Variants in TRPM3 observed in about 807,000 individuals in gnomAD.
TRPM3 encodes the protein transient receptor potential cation channel subfamily M member 3, also known as long transient receptor potential channel 3.
TRPM3 carries 77 observed loss-of-function variants against 181.2 expected under a neutral mutation model. That is an observed-to-expected ratio of 0.42 (90% confidence interval 0.35 to 0.51). TRPM3 has a LOEUF of 0.51. TRPM3 is among the 20% of genes least tolerant of loss of function. The pLI is 0.01. For missense variants in TRPM3, 1,759 were observed against 2,196.7 expected, an observed-to-expected ratio of 0.80 and a Z score of 3.98; for synonymous variants, 745 against 796.4, an observed-to-expected ratio of 0.94 and a Z score of 1.09.
intron 1 of TRPM3, among the ~76,000 whole-genome samples, chr9:71,331,102 T>C (rs985207328): frequency 5.9e-5 from 9 of 151,934 alleles, no homozygotes; most frequent in African/African-American, 2.2e-4. Context: ...ATAGTTGATC[T>C]TAAAGAATAT....
chr9:70,548,851 T>G (rs1384852773), intron 25 of TRPM3, among the ~76,000 whole-genome samples: 1 of 137,932 alleles, frequency 7.2e-6, no homozygotes, highest in East Asian at 2.4e-4. Context: ...TCTTGTGCTC[T>G]CTCTCTCTCT....
At chr9:70,914,419 T>A (rs1037843406) in intron 1 of TRPM3, among the ~76,000 whole-genome samples, 1 of 152,220 alleles carries the variant, frequency 6.6e-6, no homozygotes, top group Non-Finnish European at 1.5e-5. Flanking sequence ...AGGAAAACAC[T>A]AGAACACACC....
intron 6 of TRPM3, among the ~76,000 whole-genome samples, chr9:70,819,058 G>A (rs2092939336): frequency 6.6e-6 from 1 of 152,310 alleles, no homozygotes; most frequent in Middle Eastern, 3.4e-3. Flanking sequence ...TGACAAGTGA[G>A]GAGAGGGTTA....
At chr9:71,183,243 C>T (rs540460719) in intron 1 of TRPM3, among the ~76,000 whole-genome samples, 15 of 152,098 alleles carry the variant, frequency 9.9e-5, no homozygotes, top group Admixed American at 3.9e-4. Context: ...AAGGTCAAGG[C>T]CATGGCATTT....
Position 70,877,804 on chromosome 9 carries a change from AAC to A in TRPM3, c.178-13295_178-13294del, listed in dbSNP as rs5898169. On this transcript the variant is annotated intron_variant, in intron 1 of 25. Coordinates refer to ENST00000677713, the MANE Select transcript of TRPM3 (RefSeq NM_001366145.2). ...CCTAAGTGCAAAGAGAAAATCATAA[AAC>A]ACACACACACACACACACACACACT... 5.1e-4 allele frequency among the ~76,000 whole-genome samples: 75 copies of A among 146,192 alleles called. 3 individuals carry two copies. The highest frequency in any genetic ancestry group is 3.0e-3 in the Admixed American group (44 of 14,554).
chr9:71,040,256 G>A (rs539417212), intron 1 of TRPM3, among the ~76,000 whole-genome samples: 1 of 152,266 alleles, frequency 6.6e-6, no homozygotes, highest in South Asian at 2.1e-4. Flanking sequence ...TATAAAAATA[G>A]TTTATTGCAA....
chr9:71,367,713 T>C (rs1349413301), intron 1 of TRPM3, among the ~76,000 whole-genome samples: 5 of 152,162 alleles, frequency 3.3e-5, no homozygotes, highest in Non-Finnish European at 5.9e-5. Flanking sequence ...AAAAGTGCTC[T>C]GTAAACTAAA....
chr9:71,120,661 C>T (rs1043140983), intron 1 of TRPM3, among the ~76,000 whole-genome samples: 7 of 152,180 alleles, frequency 4.6e-5, no homozygotes, highest in Non-Finnish European at 7.4e-5. Flanking sequence ...TCTGAGGAGG[C>T]TCATTCTTTG....
At chr9:71,399,625 T>G (rs985129321) in intron 1 of TRPM3, among the ~76,000 whole-genome samples, 1 of 148,878 alleles carries the variant, frequency 6.7e-6, no homozygotes, top group African/African-American at 2.5e-5. Context: ...ACCTCCTGGG[T>G]TCACACCATT....
intron 1 of TRPM3, among the ~76,000 whole-genome samples, chr9:70,918,069 G>T (rs2096619441): frequency 1.3e-5 from 2 of 152,170 alleles, no homozygotes; most frequent in South Asian, 4.1e-4. Context: ...ACTATGTAAT[G>T]ATATCTAACC....
chr9:70,912,922 C>T (rs2096553101), intron 1 of TRPM3, among the ~76,000 whole-genome samples: 1 of 152,242 alleles, frequency 6.6e-6, no homozygotes, highest in African/African-American at 2.4e-5. Context: ...GACATTATCA[C>T]TATAATGATA....
chr9:70,667,516 C>A (rs115965151), intron 9 of TRPM3, among the ~76,000 whole-genome samples: 2,197 of 152,212 alleles, frequency 0.014, 57 homozygotes, highest in African/African-American at 0.05. Flanking sequence ...TCACTTTGTA[C>A]CTGGTTCCCC....
At chr9:70,753,854 G>C (rs1012498731) in intron 8 of TRPM3, among the ~76,000 whole-genome samples, 1 of 152,114 alleles carries the variant, frequency 6.6e-6, no homozygotes, top group African/African-American at 2.4e-5. Flanking sequence ...AAGATGAACT[G>C]ATTGGACGCT....
At chr9:71,305,968 G>A (rs2087267282) in intron 1 of TRPM3, among the ~76,000 whole-genome samples, 1 of 152,108 alleles carries the variant, frequency 6.6e-6, no homozygotes, top group Non-Finnish European at 1.5e-5. Context: ...ATCTGAGAAA[G>A]GGTGCTTTGT....
intron 1 of TRPM3, among the ~76,000 whole-genome samples, chr9:71,441,726 G>C (rs1439471528): frequency 6.6e-6 from 1 of 150,412 alleles, no homozygotes; most frequent in East Asian, 2.0e-4. Flanking sequence ...TCTGCCTCCA[G>C]GGTTCAAGTG....
intron 8 of TRPM3, among the ~76,000 whole-genome samples, chr9:70,701,359 G>T (rs954602963): frequency 6.6e-6 from 1 of 152,128 alleles, no homozygotes; most frequent in African/African-American, 2.4e-5. Context: ...ATAGTTTTCT[G>T]TCTCAATGGT....
intron 5 of TRPM3, among the ~76,000 whole-genome samples, chr9:70,832,039 A>T (rs1320288284): frequency 1.7e-5 from 2 of 120,376 alleles, no homozygotes; most frequent in Non-Finnish European, 3.3e-5. Flanking sequence ...ATTAAAAATT[A>T]AAAAAAAAAA....
At chr9:71,282,287 AAG>A (rs757531179) in intron 1 of TRPM3, among the ~76,000 whole-genome samples, 182 of 112,054 alleles carry the variant, frequency 1.6e-3, no homozygotes, top group Middle Eastern at 4.0e-3. Flanking sequence ...AAAGAAAAGA[AAG>A]AAAGAAAAAG....
At chr9:71,078,797 AT>A (rs2063811373) in intron 1 of TRPM3, among the ~76,000 whole-genome samples, 1 of 151,994 alleles carries the variant, frequency 6.6e-6, no homozygotes, top group African/African-American at 2.4e-5. Context: ...ATATTTTCCA[AT>A]TTCATTTCAA....
Sources: allele counts gnomAD v4.1 joint callset (sites outside exome capture counted in the v4.1 genomes callset), GRCh38; gene constraint gnomAD v4.1.1; transcripts MANE v1.5; gene names NCBI Gene and HGNC (gene_info 2026-07-23, HGNC 2026-07-21).